The following SPAG17 variants were observed in gnomAD, a reference collection of about 807,000 sequenced individuals.
The protein encoded by SPAG17 is sperm-associated antigen 17.
A neutral mutation model predicts 273.6 loss-of-function variants in SPAG17; 169 were observed. The observed-to-expected ratio is 0.62, with a 90% CI of 0.55 to 0.70. SPAG17 has a LOEUF of 0.70. Among genes scored for constraint, SPAG17 ranks in the 30% least tolerant of loss-of-function variants. The probability of loss-of-function intolerance (pLI) is 0.00; values close to 1 mark genes in which losing one functional copy is unlikely to be tolerated. For missense variants in SPAG17, 2,557 were observed against 2,627.8 expected, an observed-to-expected ratio of 0.97 and a Z score of 0.59; for synonymous variants, 825 against 873.2, an observed-to-expected ratio of 0.94 and a Z score of 0.97.
At chr1:118,170,953 C>A (rs1299662290) in intron 1 of SPAG17, among the ~76,000 whole-genome samples, 5 of 152,138 alleles carry the variant, frequency 3.3e-5, no homozygotes, top group Admixed American at 6.6e-5. Flanking sequence ...TGGTCACTTT[C>A]AATTTTTAAA....
Position 118,086,976 on chromosome 1 carries a change from G to A in SPAG17, c.1392C>T (p.Pro464=), listed in dbSNP as rs12142616. 0.067 allele frequency: 105,841 copies of A among 1,575,026 alleles called. 4,837 individuals are homozygous for A. Among genetic ancestry groups the A allele is most frequent in the East Asian group, 0.23 (10,259 of 44,490 alleles). ...CTCTGGGGGATGGCTCCCGCAGACT[G>A]GGTGGGACGAGATCTTCTTCAGTTG... ...VVATEEDLVP[P]SLREPSPRAD... Residue 464 remains proline, a synonymous_variant, in exon 11 of 49, where the codon CCC becomes CCT. Transcript: ENST00000336338.
chr1:118,013,209 C>T (rs151178636), intron 29 of SPAG17, among the ~76,000 whole-genome samples: 1 of 152,192 alleles, frequency 6.6e-6, no homozygotes, highest in Non-Finnish European at 1.5e-5. Flanking sequence ...TAAACTTACA[C>T]TATTCTAACT....
In SPAG17 at chr1:117,981,413, AAAATGAACC is replaced by A; in HGVS notation, c.5873-21_5873-13del. 1 of 1,589,506 alleles carries A rather than the reference AAAATGAACC, an allele frequency of 6.3e-7. No homozygotes were observed. Among genetic ancestry groups the A allele is most frequent in the Non-Finnish European group, 8.5e-7 (1 of 1,174,068 alleles). The stretch of plus-strand genomic sequence containing the variant: ...ATGTGGCTTGAAATCTAGAAAACCC[AAAATGAACC>A]TTATAAAGTGATATTTTGTAAAATG... On this transcript the variant is annotated splice_polypyrimidine_tract_variant and intron_variant, in intron 42 of 48. Coordinates refer to ENST00000336338, the MANE Select transcript of SPAG17 (RefSeq NM_206996.4).
Position 118,009,348 on chromosome 1 carries a change from T to C in SPAG17, c.4433-1150A>G, listed in dbSNP as rs554688252. 2.6e-5 allele frequency among the ~76,000 whole-genome samples: 4 copies of C among 152,088 alleles called. No individual in the cohort carries two copies. The East Asian group carries it at 7.7e-4, about 29-fold the overall frequency. The stretch of plus-strand genomic sequence containing the variant: ...TCACTTAGTCCACTATGTATATGGA[T>C]ATCAAAATATCATTTTGTACATCTT... On this transcript the variant is annotated intron_variant, in intron 30 of 48. Transcript: ENST00000336338.
intron 43 of SPAG17, among the ~76,000 whole-genome samples, chr1:117,974,858 T>G (rs1239140431): frequency 1.3e-5 from 2 of 152,108 alleles, no homozygotes; most frequent in African/African-American, 4.8e-5. Flanking sequence ...GATCTGCAGG[T>G]GAGTGCCACA....
intron 3 of SPAG17, among the ~76,000 whole-genome samples, chr1:118,121,941 A>C (rs1167565546): frequency 6.6e-6 from 1 of 152,220 alleles, no homozygotes; most frequent in Non-Finnish European, 1.5e-5. Flanking sequence ...ATTATCCTGC[A>C]GCATACAAGG....
intron 7 of SPAG17, among the ~76,000 whole-genome samples, chr1:118,095,517 T>A (rs1655654493): frequency 6.6e-6 from 1 of 152,180 alleles, no homozygotes; most frequent in South Asian, 2.1e-4. Flanking sequence ...AAGTTCCTGA[T>A]AGGGTATGTA....
chr1:118,177,074 A>G (rs1660728981), intron 1 of SPAG17, among the ~76,000 whole-genome samples: 1 of 152,218 alleles, frequency 6.6e-6, no homozygotes, highest in African/African-American at 2.4e-5. Flanking sequence ...GTTTATTGGA[A>G]TACACTTGTA....
chr1:118,098,635 A>C (rs1439232157), intron 6 of SPAG17, among the ~76,000 whole-genome samples: 1 of 152,062 alleles, frequency 6.6e-6, no homozygotes, highest in African/African-American at 2.4e-5. Flanking sequence ...CTAGGTTTGA[A>C]CCTCAACTTT....
chr1:118,036,892 C>A lies in SPAG17; in HGVS notation c.3320-9G>T. ...CTTTGCATCTGATACTTCTAAAATA[C>A]AAAATCGAATCAAGAACATTTTCAT... is the stretch of plus-strand genomic sequence containing the variant. On this transcript the variant is annotated splice_polypyrimidine_tract_variant and intron_variant, in intron 23 of 48. Coordinates refer to ENST00000336338, the MANE Select transcript of SPAG17 (RefSeq NM_206996.4). 1 of 1,520,360 alleles carries A rather than the reference C, an allele frequency of 6.6e-7. No homozygotes were observed. Among genetic ancestry groups the A allele is most frequent in the Non-Finnish European group, 8.9e-7 (1 of 1,119,138 alleles). The allele number at this position is 1,520,360 out of a possible 1,614,324, so 94.2% of individuals were successfully genotyped here.
chr1:118,160,600 A>G (rs1371986744), intron 1 of SPAG17, among the ~76,000 whole-genome samples: 1 of 152,252 alleles, frequency 6.6e-6, no homozygotes, highest in Non-Finnish European at 1.5e-5. Context: ...TTTAATTTCT[A>G]CATCCATCTT....
At chr1:118,066,598 C>G (rs1187418199) in intron 18 of SPAG17, 147 bp downstream of exon 18, 11 of 604,276 alleles carry the variant, frequency 1.8e-5, no homozygotes, top group South Asian at 4.8e-5. Context: ...ATTTAGTGAG[C>G]TGAATTGAAT....
intron 48 of SPAG17, chr1:117,959,558 A>C: frequency 8.7e-7 from 1 of 1,150,198 alleles, no homozygotes; most frequent in Non-Finnish European, 1.2e-6. Flanking sequence ...AGAAGATCGC[A>C]TTGCAGATGA....
chr1:118,082,236 C>A (rs1022692863), intron 13 of SPAG17, among the ~76,000 whole-genome samples: 3 of 152,124 alleles, frequency 2.0e-5, no homozygotes, highest in Admixed American at 1.3e-4. Context: ...TTATTATTTT[C>A]TACGTATTAG....
intron 20 of SPAG17, among the ~76,000 whole-genome samples, chr1:118,053,367 C>A (rs1244227194): frequency 1.3e-5 from 2 of 151,936 alleles, no homozygotes; most frequent in African/African-American, 2.4e-5. Flanking sequence ...TTAAAGCTTA[C>A]AACAAAGCTA....
At chr1:118,117,628 A>T (rs183965507) in intron 3 of SPAG17, among the ~76,000 whole-genome samples, 1 of 152,312 alleles carries the variant, frequency 6.6e-6, no homozygotes, top group Admixed American at 6.5e-5. Flanking sequence ...TGACATACAG[A>T]CACAGAGAGA....
intron 3 of SPAG17, among the ~76,000 whole-genome samples, chr1:118,124,919 G>A (rs1056950722): frequency 1.4e-4 from 21 of 152,216 alleles, no homozygotes; most frequent in Middle Eastern, 3.4e-3. Flanking sequence ...CTTGGGTCAC[G>A]GTCCCTCTTC....
At chr1:118,056,815 T>G (rs966646520) in intron 18 of SPAG17, among the ~76,000 whole-genome samples, 1 of 152,132 alleles carries the variant, frequency 6.6e-6, no homozygotes, top group Non-Finnish European at 1.5e-5. Flanking sequence ...TAGAAGGTAA[T>G]GGATATCTCA....
chr1:118,086,192 T>C (rs772750013), intron 12 of SPAG17, 120 bp from the exon 13 acceptor site: 7 of 970,346 alleles, frequency 7.2e-6, no homozygotes, highest in Non-Finnish European at 1.1e-5. Flanking sequence ...GGGAAATCAA[T>C]GGTAATTGGG....
Sources: gnomAD v4.1 joint callset for allele counts (sites outside exome capture counted in the v4.1 genomes callset) on GRCh38, gnomAD v4.1.1 for gene constraint, MANE v1.5 for transcripts, NCBI Gene and HGNC (gene_info 2026-07-23, HGNC 2026-07-21) for gene names.